CEP63: variants seen among roughly 807,000 people sequenced by gnomAD.
The protein encoded by CEP63 is centrosomal protein of 63 kDa.
Under a neutral mutation model 89.1 loss-of-function variants are expected in CEP63, and 84 were observed. The observed-to-expected ratio is 0.94, with a 90% CI of 0.79 to 1.13. CEP63 has a LOEUF of 1.13. CEP63 is among the 50% of genes most tolerant of loss of function. The pLI, the probability that CEP63 is intolerant of heterozygous loss-of-function variation, is 0.00. For missense variants in CEP63, 838 were observed against 813.3 expected, an observed-to-expected ratio of 1.03 and a Z score of -0.37; for synonymous variants, 267 against 272.5, an observed-to-expected ratio of 0.98 and a Z score of 0.20.
the CEP63 span, chr3:134,604,251 C>T: frequency 6.2e-7 from 1 of 1,613,904 alleles, no homozygotes; most frequent in Non-Finnish European, 8.5e-7. Flanking sequence ...CACCCATGTC[C>T]ACATAATTGC....
the CEP63 span, chr3:134,607,857 G>A: frequency 1.0e-6 from 1 of 988,362 alleles, no homozygotes; most frequent in Non-Finnish European, 1.2e-6. Context: ...CAGAAGGGAG[G>A]GGTACTGAGC....
chr3:134,496,579 C>G (rs532712455), intron 2 of CEP63, among the ~76,000 whole-genome samples: 8 of 152,150 alleles, frequency 5.3e-5, no homozygotes, highest in Admixed American at 2.0e-4. Flanking sequence ...GCCAGACAGG[C>G]TGTTATCAAG....
At chr3:134,558,043 T>G in intron 12 of CEP63, 99 bp from the exon 13 acceptor site, 2 of 980,132 alleles carry the variant, frequency 2.0e-6, no homozygotes, top group Non-Finnish European at 3.3e-6. Flanking sequence ...ATAGATTAAC[T>G]ACTTACAACT....
chr3:134,625,677 A>C, the CEP63 span, among the ~76,000 whole-genome samples: 2 of 152,252 alleles, frequency 1.3e-5, no homozygotes, highest in Non-Finnish European at 2.9e-5. Flanking sequence ...CTGCAGGGCG[A>C]GGTGCGTTTG....
At chr3:134,774,759 T>G in the CEP63 span, among the ~76,000 whole-genome samples, 1 of 152,184 alleles carries the variant, frequency 6.6e-6, no homozygotes, top group Non-Finnish European at 1.5e-5. Context: ...TGCATTGAAC[T>G]CATTAAACAG....
chr3:134,551,724 C>CATATATATAT (rs71139540), intron 11 of CEP63, among the ~76,000 whole-genome samples: 15 of 81,536 alleles, frequency 1.8e-4, no homozygotes, highest in African/African-American at 5.9e-4. Flanking sequence ...TTAGAAAGTC[C>CATATATATAT]ATATATATAT....
the CEP63 span, among the ~76,000 whole-genome samples, chr3:134,658,909 G>A: frequency 6.6e-6 from 1 of 152,290 alleles, no homozygotes; most frequent in South Asian, 2.1e-4. Context: ...TTTCTGGTAT[G>A]TCTCTTCCTG....
rs375254908 is a variant in CEP63 at position 134,558,173 on chromosome 3, A to T, written c.1499A>T (p.Glu500Val). The change falls in exon 13 of 15, where the codon GAG (glutamate) becomes GTG (valine). Residue 500 changes from glutamate (E) to valine (V), a missense_variant. Coordinates refer to ENST00000675561, the MANE Select transcript of CEP63 (RefSeq NM_001353108.3). Reference protein sequence around the residue: ...AKEISLADLQENYIEALNKLV... With the variant: ...AKEISLADLQVNYIEALNKLV... ...GAGATTTCACTAGCAGACCTCCAGG[A>T]GAATTATATTGAGGCATTAAATAAA... 2 of 1,613,636 alleles carry T rather than the reference A, an allele frequency of 1.2e-6. No individual in the cohort carries two copies. Among genetic ancestry groups the T allele is most frequent in the African/African-American group, 2.7e-5 (2 of 74,912 alleles).
chr3:134,767,431 C>A, the CEP63 span, among the ~76,000 whole-genome samples: 3 of 152,158 alleles, frequency 2.0e-5, no homozygotes, highest in Non-Finnish European at 4.4e-5. Context: ...AGTGTTCTGG[C>A]CTTCCACGCT....
intron 3 of CEP63, chr3:134,510,791 G>T: frequency 2.8e-6 from 1 of 353,814 alleles, no homozygotes; most frequent in Non-Finnish European, 5.5e-6. Context: ...CCTGGCTGCA[G>T]TTCTGGCCCT....
At chr3:134,488,508 C>T (rs1310408902) in intron 1 of CEP63, among the ~76,000 whole-genome samples, 5 of 151,900 alleles carry the variant, frequency 3.3e-5, no homozygotes, top group Admixed American at 1.3e-4. Flanking sequence ...ACTCGGGAGG[C>T]TGAGGCAGGA....
chr3:134,644,951 G>A, the CEP63 span, among the ~76,000 whole-genome samples: 5 of 152,354 alleles, frequency 3.3e-5, no homozygotes, highest in South Asian at 2.1e-4. Flanking sequence ...CAGATCAGGC[G>A]AGGAAAGGGA....
chr3:134,781,135 TG>T, the CEP63 span, among the ~76,000 whole-genome samples: 1 of 152,256 alleles, frequency 6.6e-6, no homozygotes, highest in African/African-American at 2.4e-5. Flanking sequence ...TAATAAGTTT[TG>T]ATAGCTGATA....
the CEP63 span, among the ~76,000 whole-genome samples, chr3:134,643,926 G>C: frequency 6.6e-6 from 1 of 151,016 alleles, no homozygotes; most frequent in Non-Finnish European, 1.5e-5. Context: ...TCCTGGGTTC[G>C]TGCCATTCTC....
intron 2 of CEP63, among the ~76,000 whole-genome samples, chr3:134,499,613 C>T (rs903614730): frequency 1.4e-4 from 22 of 151,770 alleles, no homozygotes; most frequent in African/African-American, 4.8e-4. Flanking sequence ...TATTTGAAGT[C>T]TTTGTACTGT....
At chr3:134,494,956 G>T (rs1217071648) in intron 1 of CEP63, among the ~76,000 whole-genome samples, 2 of 152,154 alleles carry the variant, frequency 1.3e-5, no homozygotes, top group Non-Finnish European at 2.9e-5. Context: ...TTCTCATTTT[G>T]TTAAGGGAGT....
the CEP63 span, among the ~76,000 whole-genome samples, chr3:134,699,299 C>A: frequency 1.3e-5 from 2 of 152,166 alleles, no homozygotes; most frequent in East Asian, 3.9e-4. Flanking sequence ...CTGGATGGAT[C>A]GGTCCTGGGA....
chr3:134,573,346 G>GT (rs1385663903), intron 11 of CEP63, among the ~76,000 whole-genome samples: 1 of 152,098 alleles, frequency 6.6e-6, no homozygotes, highest in East Asian at 1.9e-4. Context: ...CCAGAATGGT[G>GT]TTTCCTAGGC....
At chr3:134,528,569 C>CGTGTGTGTGT (rs34415967) in intron 3 of CEP63, among the ~76,000 whole-genome samples, 51,228 of 146,800 alleles carry the variant, frequency 0.35, 10,281 homozygotes, top group East Asian at 0.52. Flanking sequence ...TGTGTGTGTG[C>CGTGTGTGTGT]GTGTGTGTGT....
Sources: gnomAD v4.1 joint callset for allele counts (sites outside exome capture counted in the v4.1 genomes callset) on GRCh38, gnomAD v4.1.1 for gene constraint, MANE v1.5 for transcripts, NCBI Gene and HGNC (gene_info 2026-07-23, HGNC 2026-07-21) for gene names.